The following PRKCE variants were observed in gnomAD, a reference collection of about 807,000 sequenced individuals.
PRKCE encodes the protein protein kinase C epsilon type.
A neutral mutation model predicts 85.4 loss-of-function variants in PRKCE; 16 were observed. The ratio of observed to expected loss-of-function variants is 0.19; its 90% CI spans 0.13 to 0.28. The LOEUF (loss-of-function observed/expected upper bound fraction) is 0.28. Ranked by LOEUF, PRKCE falls within the 10% of genes least tolerant of loss-of-function variation. PRKCE has a pLI of 1.00. For synonymous variants in PRKCE, 388 were observed against 371.5 expected, an observed-to-expected ratio of 1.04 and a Z score of -0.51; for missense variants, 573 against 975.2, an observed-to-expected ratio of 0.59 and a Z score of 5.49.
intron 1 of PRKCE, among the ~76,000 whole-genome samples, chr2:45,776,466 GA>G (rs1685755463): frequency 6.6e-6 from 1 of 152,230 alleles, no homozygotes; most frequent in South Asian, 2.1e-4. Context: ...GATGAAGGTA[GA>G]TTTTTTTAGG....
At chr2:46,045,282 G>A (rs1223884925) in intron 10 of PRKCE, among the ~76,000 whole-genome samples, 1 of 152,202 alleles carries the variant, frequency 6.6e-6, no homozygotes, top group East Asian at 1.9e-4. Flanking sequence ...GGCCATGTAT[G>A]TGTCTACATG....
chr2:45,875,657 T>A (rs1240103914), intron 2 of PRKCE, among the ~76,000 whole-genome samples: 1 of 152,186 alleles, frequency 6.6e-6, no homozygotes, highest in Non-Finnish European at 1.5e-5. Flanking sequence ...GGGGGTAAAA[T>A]GTAAGCTCAA....
chr2:46,084,772 C>T lies in PRKCE; in HGVS notation c.1438-1436C>T, dbSNP rs186683078. On this transcript the variant is annotated intron_variant, in intron 10 of 14. Transcript: ENST00000306156. Reference sequence around the variant, plus strand: ...GCTCTGCCTCTCTGGCCTTTTAAACCTCACCATTTACTTCGCTAACCTTCC... The same window carrying T: ...GCTCTGCCTCTCTGGCCTTTTAAACTTCACCATTTACTTCGCTAACCTTCC... Among the ~76,000 whole-genome samples the T allele has an allele frequency of 2.0e-5, 3 of 151,322 alleles. No homozygotes were observed. The East Asian group carries it at 5.8e-4, about 29-fold the overall frequency.
chr2:45,996,510 A>G lies in PRKCE; in HGVS notation c.824-4894A>G, dbSNP rs954296369. Reference sequence around the variant, plus strand: ...TTATTAAGTTGAGGAAATTCTCTTCAGTTCCTTGTTTACTGAGATATTTTA... The same window carrying G: ...TTATTAAGTTGAGGAAATTCTCTTCGGTTCCTTGTTTACTGAGATATTTTA... On this transcript the variant is annotated intron_variant, in intron 6 of 14. Coordinates refer to ENST00000306156, the MANE Select transcript of PRKCE (RefSeq NM_005400.3). Among the ~76,000 whole-genome samples, 7 of 152,158 alleles carry G rather than the reference A, an allele frequency of 4.6e-5. No individual in the cohort carries two copies. In the East Asian group the frequency reaches 9.6e-4, roughly 21 times the overall value.
intron 11 of PRKCE, among the ~76,000 whole-genome samples, chr2:46,133,071 C>T (rs1055431925): frequency 2.6e-5 from 4 of 152,200 alleles, no homozygotes; most frequent in Non-Finnish European, 5.9e-5. Context: ...ACATGGAAGA[C>T]ATACGCCTAC....
chr2:45,986,223 A>G (rs1355442716), intron 6 of PRKCE, among the ~76,000 whole-genome samples: 1 of 152,256 alleles, frequency 6.6e-6, no homozygotes, highest in African/African-American at 2.4e-5. Flanking sequence ...GGATTTAACA[A>G]CAAGGAGGTC....
intron 14 of PRKCE, among the ~76,000 whole-genome samples, chr2:46,169,501 G>A (rs1427890456): frequency 6.6e-6 from 1 of 152,150 alleles, no homozygotes; most frequent in African/African-American, 2.4e-5. Flanking sequence ...GAGATCAATG[G>A]AGTATTTCAG....
chr2:46,150,762 C>T (rs1676543124), intron 12 of PRKCE, among the ~76,000 whole-genome samples: 1 of 152,182 alleles, frequency 6.6e-6, no homozygotes. Context: ...GCCCTCATGC[C>T]AGTCAGGAAC....
At chr2:46,002,894 G>A (rs889684626) in intron 7 of PRKCE, among the ~76,000 whole-genome samples, 1 of 152,222 alleles carries the variant, frequency 6.6e-6, no homozygotes, top group Non-Finnish European at 1.5e-5. Flanking sequence ...AGTAAATTAA[G>A]ACAGAATCTT....
intron 5 of PRKCE, among the ~76,000 whole-genome samples, chr2:45,983,827 T>A (rs1433632578): frequency 6.6e-6 from 1 of 152,156 alleles, no homozygotes. Context: ...TTCCACAACA[T>A]TGTGCAGAGT....
At chr2:45,674,339 C>G (rs1289868371) in intron 1 of PRKCE, among the ~76,000 whole-genome samples, 1 of 152,076 alleles carries the variant, frequency 6.6e-6, no homozygotes, top group African/African-American at 2.4e-5. Flanking sequence ...GTGGAGGAGG[C>G]CTTCCTTTAT....
chr2:45,798,608 T>C (rs1171392917), intron 1 of PRKCE, among the ~76,000 whole-genome samples: 1 of 152,238 alleles, frequency 6.6e-6, no homozygotes, highest in Non-Finnish European at 1.5e-5. Flanking sequence ...TTTTATATGA[T>C]TGAAAGCAAA....
intron 1 of PRKCE, among the ~76,000 whole-genome samples, chr2:45,811,105 G>T (rs1688624974): frequency 6.6e-6 from 1 of 152,228 alleles, no homozygotes. Flanking sequence ...TACAAGGGAG[G>T]TTGGGGAATG....
At position 46,138,398 on chromosome 2, in the gene PRKCE, C is replaced by T. The variant is rs1429492586; in HGVS notation, c.1593-6695C>T. On this transcript the variant is annotated intron_variant, in intron 11 of 14. Transcript: ENST00000306156. This position sits in a 1 kb window ranked among gnomAD's most constrained non-coding sequence, Gnocchi z 4.2. ...CGCTGCCTCTTACCAGCCATGTGAC[C>T]TCAGACAAGTTACCTTTTCTGAGCC... 6.6e-6 allele frequency among the ~76,000 whole-genome samples: 1 copy of T among 152,248 alleles called. No homozygotes were observed. Among genetic ancestry groups the T allele is most frequent in the African/African-American group, 2.4e-5 (1 of 41,464 alleles).
intron 2 of PRKCE, among the ~76,000 whole-genome samples, chr2:45,961,041 C>A (rs1005372551): frequency 1.3e-5 from 2 of 152,164 alleles, no homozygotes; most frequent in African/African-American, 4.8e-5. Flanking sequence ...TTTAGAATAC[C>A]AGGACTTTAG....
At chr2:45,662,912 G>A (rs746026954) in intron 1 of PRKCE, among the ~76,000 whole-genome samples, 2 of 152,040 alleles carry the variant, frequency 1.3e-5, no homozygotes, top group East Asian at 3.8e-4. Context: ...AGAATGTAAG[G>A]TGTATGAACC....
intron 1 of PRKCE, among the ~76,000 whole-genome samples, chr2:45,725,688 G>A (rs1024659197): frequency 5.3e-5 from 8 of 152,120 alleles, no homozygotes; most frequent in African/African-American, 1.9e-4. Context: ...AAAATTAGCT[G>A]GGCGTGGTGG....
At chr2:45,924,575 C>T (rs780941914) in intron 2 of PRKCE, among the ~76,000 whole-genome samples, 5 of 152,142 alleles carry the variant, frequency 3.3e-5, no homozygotes, top group African/African-American at 4.8e-5. Flanking sequence ...TTGTTTAACT[C>T]ACCAGGAAAA....
rs538254906 is a variant in PRKCE, at chr2:46,036,525, G to T, written c.1437+26008G>T. ...GGGTCACTAGAGCCCAGGAGGTGGGGACTGCAGTGAGCCATGATCGCGCCA... is the reference window on the plus strand; with the variant it reads ...GGGTCACTAGAGCCCAGGAGGTGGGTACTGCAGTGAGCCATGATCGCGCCA... On this transcript the variant is annotated intron_variant, in intron 10 of 14. Transcript: ENST00000306156. 1.1e-3 allele frequency among the ~76,000 whole-genome samples: 170 copies of T among 152,274 alleles called. 1 individual carries two copies. The highest frequency in any genetic ancestry group is 1.8e-3 in the Non-Finnish European group (123 of 68,024).
Sources: allele counts gnomAD v4.1 joint callset (sites outside exome capture counted in the v4.1 genomes callset), GRCh38; gene constraint gnomAD v4.1.1; non-coding constraint Gnocchi (gnomAD v3.1); transcripts MANE v1.5; gene names NCBI Gene and HGNC (gene_info 2026-07-23, HGNC 2026-07-21).